Variants in GLIS3 observed in about 807,000 individuals in gnomAD.
GLIS3 encodes the protein GLIS family zinc finger 3.
A neutral mutation model predicts 78.6 loss-of-function variants in GLIS3; 53 were observed. The observed-to-expected ratio is 0.67, with a 90% CI of 0.54 to 0.85. The LOEUF (loss-of-function observed/expected upper bound fraction) is 0.85. Ranked by LOEUF, GLIS3 falls within the 40% of genes least tolerant of loss-of-function variation. The probability of loss-of-function intolerance (pLI) is 0.00; values close to 1 mark genes in which losing one functional copy is unlikely to be tolerated. For missense variants in GLIS3, 1,703 were observed against 1,231.1 expected (o/e 1.38, Z -5.74); for synonymous variants, 684 against 509.9 (o/e 1.34, Z -4.60).
chr9:4,381,621 C>T, the GLIS3 span, among the ~76,000 whole-genome samples: 1 of 150,922 alleles, frequency 6.6e-6, no homozygotes, highest in Non-Finnish European at 1.5e-5. Context: ...CTGGGGCATG[C>T]CTGTTTGTCT....
rs149880385 is a variant in GLIS3 at position 4,232,336 on chromosome 9, G to A, written c.388+53702C>T. ...TTCAAGGCTGCAGTGAGCTATGATC[G>A]TGCCTCTGTACTCAAGCCTGGGTGA... On this transcript the variant is annotated intron_variant, in intron 2 of 10. Transcript: ENST00000381971. Among the ~76,000 whole-genome samples, 341 of 146,670 alleles carry A rather than the reference G, an allele frequency of 2.3e-3. 1 individual carries two copies. Among genetic ancestry groups the A allele is most frequent in the African/African-American group, 7.9e-3 (314 of 39,612 alleles).
chr9:4,133,299 C>T (rs1163391034), intron 2 of GLIS3, among the ~76,000 whole-genome samples: 2 of 152,214 alleles, frequency 1.3e-5, no homozygotes, highest in Non-Finnish European at 2.9e-5. Context: ...ATGCCATCTA[C>T]ACTCAAATGT....
intron 4 of GLIS3, among the ~76,000 whole-genome samples, chr9:3,991,629 T>C (rs1263847753): frequency 6.6e-6 from 1 of 151,964 alleles, no homozygotes; most frequent in African/African-American, 2.4e-5. Flanking sequence ...CTGTTGCTTA[T>C]CTTGGGGTTA....
chr9:4,405,372 A>T, the GLIS3 span, among the ~76,000 whole-genome samples: 1 of 151,502 alleles, frequency 6.6e-6, no homozygotes, highest in African/African-American at 2.4e-5. Flanking sequence ...AAAGAAAAAG[A>T]AAAAGAAAAA....
chr9:4,120,619 C>A (rs954804490), intron 3 of GLIS3, among the ~76,000 whole-genome samples: 1 of 152,178 alleles, frequency 6.6e-6, no homozygotes, highest in African/African-American at 2.4e-5. Flanking sequence ...GAATTGCTTT[C>A]GGACCCAAAC....
the GLIS3 span, among the ~76,000 whole-genome samples, chr9:4,380,020 A>G: frequency 1.3e-5 from 2 of 152,176 alleles, no homozygotes; most frequent in Non-Finnish European, 2.9e-5. Flanking sequence ...TAGTTATGTT[A>G]CCATCCACAA....
chr9:4,397,086 C>T, the GLIS3 span, among the ~76,000 whole-genome samples: 5 of 135,380 alleles, frequency 3.7e-5, 1 homozygote, highest in South Asian at 2.4e-4. Flanking sequence ...AGTGCAGTGG[C>T]GCGATCTTGG....
At chr9:4,453,363 A>G in the GLIS3 span, among the ~76,000 whole-genome samples, 1,583 of 150,136 alleles carry the variant, frequency 0.011, 47 homozygotes, top group African/African-American at 0.037. Context: ...AAAAAAAAAA[A>G]AGAAAAAACT....
the GLIS3 span, among the ~76,000 whole-genome samples, chr9:4,453,945 A>T: frequency 6.6e-6 from 1 of 152,132 alleles, no homozygotes; most frequent in African/African-American, 2.4e-5. Context: ...ATGTATACCT[A>T]TGTAACAAAC....
intron 2 of GLIS3, among the ~76,000 whole-genome samples, chr9:4,227,759 G>A (rs936546705): frequency 4.6e-5 from 7 of 152,184 alleles, no homozygotes; most frequent in African/African-American, 1.4e-4. Flanking sequence ...GTGAAGCCAA[G>A]GAGCTCTGAA....
chr9:4,390,699 G>C, the GLIS3 span, among the ~76,000 whole-genome samples: 3 of 152,156 alleles, frequency 2.0e-5, no homozygotes, highest in East Asian at 3.8e-4. Context: ...TCCAGAGTTG[G>C]TGGTGGCTCT....
intron 6 of GLIS3, among the ~76,000 whole-genome samples, chr9:3,918,406 T>A (rs1438575491): frequency 3.9e-5 from 6 of 152,150 alleles, no homozygotes; most frequent in Admixed American, 2.0e-4. Flanking sequence ...TCCCTCCTGA[T>A]CAAAAGGCAA....
intron 2 of GLIS3, among the ~76,000 whole-genome samples, chr9:4,137,597 T>C (rs1287790985): frequency 2.2e-5 from 3 of 135,528 alleles, no homozygotes; most frequent in African/African-American, 5.6e-5. Context: ...GATGATATTA[T>C]TAGGAACCTA....
chr9:4,081,305 C>T (rs898898394), intron 4 of GLIS3: 1 of 152,204 alleles, frequency 6.6e-6, no homozygotes, highest in Non-Finnish European at 1.5e-5. Context: ...CCACATTAAC[C>T]CTTTTTACCC....
At chr9:4,073,289 C>G (rs908969478) in intron 4 of GLIS3, among the ~76,000 whole-genome samples, 2 of 152,186 alleles carry the variant, frequency 1.3e-5, no homozygotes, top group Middle Eastern at 3.2e-3. Context: ...CCAAGTAGTG[C>G]GTCTCAAACC....
chr9:4,042,713 C>T (rs1050258061), intron 4 of GLIS3, among the ~76,000 whole-genome samples: 6 of 151,976 alleles, frequency 3.9e-5, no homozygotes, highest in Non-Finnish European at 8.8e-5. Flanking sequence ...AACAAAACTC[C>T]CAAAAACAAA....
At chr9:3,909,821 T>C (rs1425681332) in intron 6 of GLIS3, among the ~76,000 whole-genome samples, 1 of 152,218 alleles carries the variant, frequency 6.6e-6, no homozygotes, top group African/African-American at 2.4e-5. Context: ...CCAGTTGAAA[T>C]TTCTGTGACG....
intron 4 of GLIS3, among the ~76,000 whole-genome samples, chr9:4,041,466 T>G (rs1261560404): frequency 6.6e-6 from 1 of 152,170 alleles, no homozygotes; most frequent in Non-Finnish European, 1.5e-5. Context: ...GAAAAAAGCT[T>G]GGGTCAACTT....
intron 2 of GLIS3, among the ~76,000 whole-genome samples, chr9:4,220,608 T>G (rs1821243696): frequency 6.6e-6 from 1 of 151,800 alleles, no homozygotes; most frequent in Non-Finnish European, 1.5e-5. Flanking sequence ...AAATGCCAAG[T>G]CAAACTGGGC....
Sources: gnomAD v4.1 joint callset for allele counts (sites outside exome capture counted in the v4.1 genomes callset) on GRCh38, gnomAD v4.1.1 for gene constraint, MANE v1.5 for transcripts, NCBI Gene and HGNC (gene_info 2026-07-23, HGNC 2026-07-21) for gene names.